The following NGLY1 variants were observed in gnomAD, a reference collection of about 807,000 sequenced individuals.
NGLY1 encodes the protein peptide-N(4)-(N-acetyl-beta-glucosaminyl)asparagine amidase.
Under a neutral mutation model 84.6 loss-of-function variants are expected in NGLY1, and 68 were observed. The ratio of observed to expected loss-of-function variants is 0.80; its 90% CI spans 0.66 to 0.98. The LOEUF is 0.98. NGLY1 is among the 50% of genes least tolerant of loss of function. The probability of loss-of-function intolerance (pLI) is 0.00; values close to 1 mark genes in which losing one functional copy is unlikely to be tolerated. For synonymous variants in NGLY1, 280 were observed against 275.2 expected, an observed-to-expected ratio of 1.02 and a Z score of -0.17; for missense variants, 779 against 770.2, an observed-to-expected ratio of 1.01 and a Z score of -0.14.
rs184796488 is a variant in NGLY1, at chr3:25,781,571, C to T, written c.131+1689G>A. Among the ~76,000 whole-genome samples the T allele has an allele frequency of 5.3e-5, 8 of 152,296 alleles. No homozygotes were observed. The East Asian group carries it at 1.5e-3, about 29-fold the overall frequency. ...TCTCAGCATTATTCCAGTGTGTCCA[C>T]TATCCTTTGCGCTCATTGTCACACC... On this transcript the variant is annotated intron_variant, in intron 1 of 11. Coordinates refer to ENST00000280700, the MANE Select transcript of NGLY1 (RefSeq NM_018297.4).
chr3:25,753,564 A>G (rs1706871631), intron 3 of NGLY1, among the ~76,000 whole-genome samples: 1 of 152,154 alleles, frequency 6.6e-6, no homozygotes, highest in South Asian at 2.1e-4. Context: ...AAAGGTAGCA[A>G]GGAAGGGAGC....
intron 3 of NGLY1, among the ~76,000 whole-genome samples, chr3:25,761,544 T>TA (rs1707325011): frequency 6.6e-6 from 1 of 152,236 alleles, no homozygotes; most frequent in African/African-American, 2.4e-5. Flanking sequence ...ATGGGTATAC[T>TA]AAAAAAGACA....
rs1260158930 is a variant in NGLY1 at position 25,737,388 on chromosome 3, T to G, written c.949A>C (p.Thr317Pro). The G allele has an allele frequency of 7.4e-6, 12 of 1,614,002 alleles. No individual in the cohort carries two copies. The highest frequency in any genetic ancestry group is 1.0e-5 in the Non-Finnish European group (12 of 1,179,978). The stretch of plus-strand genomic sequence containing the variant: ...AACCCTACAGCTCGGCAGCACAGTG[T>G]AAAACAATTGGCCCACTCGCCACAC... ...GRCGEWANCFTLCCRAVGFEA... is the reference protein window; with the variant it reads ...GRCGEWANCFPLCCRAVGFEA... The change falls in exon 6 of 12, where the codon ACA becomes CCA. Residue 317 changes from threonine (T) to proline (P), a missense_variant. Physicochemically the swap from Thr to Pro is conservative, Grantham distance 38. Coordinates refer to ENST00000280700, the MANE Select transcript of NGLY1 (RefSeq NM_018297.4).
upstream of NGLY1, among the ~76,000 whole-genome samples, chr3:25,787,026 A>G (rs1158471325): frequency 3.9e-5 from 6 of 152,254 alleles, no homozygotes; most frequent in Admixed American, 6.5e-5. Context: ...CAACAGCAGC[A>G]TCAGCAGGAA....
At chr3:25,748,321 G>GACTCTAATGA (rs1706549887) in intron 4 of NGLY1, among the ~76,000 whole-genome samples, 1 of 152,080 alleles carries the variant, frequency 6.6e-6, no homozygotes, top group Non-Finnish European at 1.5e-5. Flanking sequence ...ACACCAAGCA[G>GACTCTAATGA]GATAAATGCA....
chr3:25,719,687 C>T (rs1559525660), intron 11 of NGLY1, 52 bp from the exon 12 acceptor site: 6 of 1,435,580 alleles, frequency 4.2e-6, no homozygotes, highest in Admixed American at 1.9e-5. Flanking sequence ...ATTTAAAGAG[C>T]ACAGATCATT....
chr3:25,761,020 CATT>C (rs1329106458), intron 3 of NGLY1, among the ~76,000 whole-genome samples: 3 of 150,288 alleles, frequency 2.0e-5, no homozygotes, highest in African/African-American at 7.4e-5. Flanking sequence ...TATTATTTAT[CATT>C]ATCTGATAAT....
chr3:25,734,122 A>C, intron 7 of NGLY1, 140 bp from the exon 8 acceptor site: 1 of 1,180,622 alleles, frequency 8.5e-7, no homozygotes, highest in Non-Finnish European at 1.2e-6. Flanking sequence ...GCTAGAGTGC[A>C]GTGGCGTGAT....
intron 4 of NGLY1, among the ~76,000 whole-genome samples, chr3:25,740,492 A>T (rs748314115): frequency 1.3e-5 from 2 of 152,212 alleles, no homozygotes; most frequent in African/African-American, 4.8e-5. Flanking sequence ...TCTTAAAAAC[A>T]TATATAGGGG....
chr3:25,755,335 C>T, intron 3 of NGLY1: 1 of 1,330,564 alleles, frequency 7.5e-7, no homozygotes, highest in Non-Finnish European at 1.1e-6. Context: ...AGGGACCTAA[C>T]CAAGGGAGGC....
At chr3:25,735,934 C>T (rs1243199242) in intron 7 of NGLY1, 70 bp downstream of exon 7, 3 of 1,307,420 alleles carry the variant, frequency 2.3e-6, no homozygotes, top group Middle Eastern at 3.9e-4. Flanking sequence ...ATTATACATT[C>T]ATGAAGCTGT....
At chr3:25,744,153 A>G (rs1161956299) in intron 4 of NGLY1, among the ~76,000 whole-genome samples, 1 of 152,228 alleles carries the variant, frequency 6.6e-6, no homozygotes, top group African/African-American at 2.4e-5. Context: ...ACTTCAATAT[A>G]CAAGAGAATG....
intron 2 of NGLY1, among the ~76,000 whole-genome samples, chr3:25,770,819 T>G (rs1005837156): frequency 6.6e-6 from 1 of 152,226 alleles, no homozygotes; most frequent in Non-Finnish European, 1.5e-5. Context: ...TGTTGAACAT[T>G]TTTTCATGTT....
chr3:25,744,718 C>T (rs902702989), intron 4 of NGLY1, among the ~76,000 whole-genome samples: 2 of 152,216 alleles, frequency 1.3e-5, no homozygotes, highest in Non-Finnish European at 2.9e-5. Flanking sequence ...CTTCATGTTA[C>T]TCCAAGGAAG....
At chr3:25,747,637 ACT>A (rs1374127257) in intron 4 of NGLY1, among the ~76,000 whole-genome samples, 4 of 152,108 alleles carry the variant, frequency 2.6e-5, no homozygotes, top group Non-Finnish European at 4.4e-5. Context: ...AGAGGTCAAT[ACT>A]CTCACCTTTA....
chr3:25,778,725 A>C lies in NGLY1; in HGVS notation c.132-37T>G, dbSNP rs1708264657. 2.3e-6 allele frequency: 3 copies of C among 1,314,276 alleles called. No homozygotes were observed. The African/African-American group carries it at 4.4e-5, about 19-fold the overall frequency. 81.4% of individuals were successfully genotyped at this position (1,314,276 alleles called of 1,614,324 possible). A position where few individuals can be genotyped will look rare whatever the true frequency, so the allele number is the denominator to read the frequency against. ...CAAAAGTTTGATTATATATAAAAAAAACCAGGTCATAGTTCTTCAAAGACT... is the reference window on the plus strand; with the variant it reads ...CAAAAGTTTGATTATATATAAAAAACACCAGGTCATAGTTCTTCAAAGACT... On this transcript the variant is annotated intron_variant, in intron 1 of 11. Transcript: ENST00000280700.
intron 3 of NGLY1, among the ~76,000 whole-genome samples, 174 bp from the exon 4 acceptor site, chr3:25,751,437 A>G (rs1706747872): frequency 6.6e-6 from 1 of 152,246 alleles, no homozygotes. Flanking sequence ...AGACAGCCAC[A>G]TTTGTGTCAG....
chr3:25,761,026 C>T (rs933554129), intron 3 of NGLY1, among the ~76,000 whole-genome samples: 1 of 150,708 alleles, frequency 6.6e-6, no homozygotes, highest in Admixed American at 6.6e-5. Flanking sequence ...TTATCATTAT[C>T]TGATAATATA....
intron 10 of NGLY1, among the ~76,000 whole-genome samples, chr3:25,726,982 T>C (rs1044754474): frequency 2.6e-5 from 4 of 152,198 alleles, no homozygotes; most frequent in Non-Finnish European, 5.9e-5. Flanking sequence ...TCTAAAACTC[T>C]GAAAGCAGGC....
Sources: gnomAD v4.1 joint callset for allele counts (sites outside exome capture counted in the v4.1 genomes callset) on GRCh38, gnomAD v4.1.1 for gene constraint, MANE v1.5 for transcripts, NCBI Gene and HGNC (gene_info 2026-07-23, HGNC 2026-07-21) for gene names.